ROR2: variants seen among roughly 807,000 people sequenced by gnomAD.
The protein encoded by ROR2 is ROR family WNT receptor 2, also known as tyrosine-protein kinase transmembrane receptor ROR2.
A neutral mutation model predicts 74.9 loss-of-function variants in ROR2; 33 were observed. The observed-to-expected ratio is 0.44, with a 90% confidence interval of 0.33 to 0.59. The LOEUF (loss-of-function observed/expected upper bound fraction) is 0.59, where lower values mean the gene tolerates loss of function less well. Ranked by LOEUF, ROR2 falls within the 20% of genes least tolerant of loss-of-function variation. ROR2 has a pLI of 0.02. For synonymous variants in ROR2, 586 were observed against 558.7 expected (o/e 1.05, Z -0.69); for missense variants, 1,216 against 1,313.8 (o/e 0.93, Z 1.15).
chr9:91,895,754 A>G (rs1830521711), intron 1 of ROR2, among the ~76,000 whole-genome samples: 1 of 152,186 alleles, frequency 6.6e-6, no homozygotes, highest in South Asian at 2.1e-4. Flanking sequence ...GACACGGGAG[A>G]ATTCGCTTGA....
intron 4 of ROR2, among the ~76,000 whole-genome samples, chr9:91,741,252 A>G (rs1193821157): frequency 1.3e-5 from 2 of 151,596 alleles, no homozygotes; most frequent in Non-Finnish European, 2.9e-5. Flanking sequence ...GTGAGCAGAG[A>G]TTGTGCCACT....
At chr9:91,895,229 C>T (rs1390874181) in intron 1 of ROR2, among the ~76,000 whole-genome samples, 1 of 152,092 alleles carries the variant, frequency 6.6e-6, no homozygotes, top group Non-Finnish European at 1.5e-5. Flanking sequence ...ACTATGGAGT[C>T]ATGTGATTGC....
intron 1 of ROR2, among the ~76,000 whole-genome samples, chr9:91,787,638 C>T (rs551761963): frequency 9.9e-5 from 15 of 152,124 alleles, no homozygotes; most frequent in East Asian, 1.9e-4. Flanking sequence ...CTAACAGTAA[C>T]GAGGCAAACA....
At chr9:91,876,617 G>A (rs538982676) in intron 1 of ROR2, among the ~76,000 whole-genome samples, 1 of 152,038 alleles carries the variant, frequency 6.6e-6, no homozygotes, top group Non-Finnish European at 1.5e-5. Context: ...TCACTCCAGA[G>A]GAAACAAAGA....
At chr9:91,762,101 AC>A (rs928842332) in intron 2 of ROR2, among the ~76,000 whole-genome samples, 35 of 151,938 alleles carry the variant, frequency 2.3e-4, no homozygotes, top group Non-Finnish European at 3.8e-4. Flanking sequence ...AACATTAGGG[AC>A]CCCCTCTTTC....
intron 1 of ROR2, among the ~76,000 whole-genome samples, chr9:91,785,340 T>C (rs764030409): frequency 7.9e-5 from 12 of 152,206 alleles, no homozygotes; most frequent in Non-Finnish European, 1.6e-4. Context: ...AGGCCTCCCC[T>C]GGACAACCTG....
chr9:91,862,297 T>A (rs1356081339), intron 1 of ROR2, among the ~76,000 whole-genome samples: 1 of 151,554 alleles, frequency 6.6e-6, no homozygotes, highest in Non-Finnish European at 1.5e-5. Flanking sequence ...GCCACTGCAC[T>A]CCAGCCTGGG....
At chr9:91,771,973 G>A (rs969756541) in intron 2 of ROR2, among the ~76,000 whole-genome samples, 1 of 152,220 alleles carries the variant, frequency 6.6e-6, no homozygotes, top group South Asian at 2.1e-4. Context: ...ATTCAGCTAT[G>A]ATTATACATG....
At chr9:91,871,756 G>A (rs939197159) in intron 1 of ROR2, among the ~76,000 whole-genome samples, 7 of 152,166 alleles carry the variant, frequency 4.6e-5, no homozygotes, top group African/African-American at 1.7e-4. Context: ...CCTCTTGAGA[G>A]AGTCCTTTTT....
chr9:91,882,255 C>T (rs376187283), intron 1 of ROR2, among the ~76,000 whole-genome samples: 5 of 151,772 alleles, frequency 3.3e-5, no homozygotes, highest in Admixed American at 6.6e-5. Context: ...ACTAAAAATA[C>T]AAAAAATTAC....
chr9:91,746,223 C>CT (rs1825410609), intron 4 of ROR2, among the ~76,000 whole-genome samples: 1 of 151,698 alleles, frequency 6.6e-6, no homozygotes, highest in South Asian at 2.1e-4. Flanking sequence ...ATTACAGGCA[C>CT]GCACCACCAC....
At chr9:91,938,236 A>C (rs961347841) in intron 1 of ROR2, among the ~76,000 whole-genome samples, 1 of 152,116 alleles carries the variant, frequency 6.6e-6, no homozygotes, top group Non-Finnish European at 1.5e-5. Context: ...AAGTGGAGGG[A>C]TCTCTTGAGT....
intron 4 of ROR2, among the ~76,000 whole-genome samples, chr9:91,738,502 C>T (rs578137019): frequency 1.5e-3 from 226 of 152,296 alleles, no homozygotes; most frequent in African/African-American, 5.3e-3. Context: ...ACATCAGGGA[C>T]ATTATGGCAA....
intron 1 of ROR2, among the ~76,000 whole-genome samples, chr9:91,893,983 G>GT (rs912570514): frequency 2.1e-4 from 32 of 152,072 alleles, no homozygotes; most frequent in African/African-American, 6.0e-4. Flanking sequence ...ATCAGAGGGT[G>GT]TTTTTTTTAG....
At chr9:91,884,786 T>C (rs763071792) in intron 1 of ROR2, among the ~76,000 whole-genome samples, 16 of 152,208 alleles carry the variant, frequency 1.1e-4, no homozygotes, top group Non-Finnish European at 1.9e-4. Context: ...CTTTTTTTTT[T>C]CTAAATGAAT....
chr9:91,789,367 GATAA>G (rs553337078), intron 1 of ROR2, among the ~76,000 whole-genome samples: 171 of 152,288 alleles, frequency 1.1e-3, no homozygotes, highest in Non-Finnish European at 1.7e-3. Context: ...CACATGAAGA[GATAA>G]ATAAAAGAGT....
intron 4 of ROR2, among the ~76,000 whole-genome samples, chr9:91,742,045 C>T (rs1192357329): frequency 6.6e-6 from 1 of 152,150 alleles, no homozygotes; most frequent in African/African-American, 2.4e-5. Context: ...AAAAGACATA[C>T]CTGAGACTGT....
Position 91,731,032 on chromosome 9 carries a change from T to C in ROR2, c.1061A>G (p.Asp354Gly). ...GTGCCCCCCTCCAAGCTCAGGGAAG[T>C]CTGTGCTGGACAGGTGGTGGCTGTG... ...HPHSHHLSST[D>G]FPELGGGHAY... is the part of the protein sequence containing the mutation. Residue 354 changes from aspartate to glycine, a missense_variant, in exon 7 of 9, where the codon GAC becomes GGC. Asp to Gly is a moderately conservative substitution (Grantham distance 94, BLOSUM62 -1). Coordinates refer to ENST00000375708, the MANE Select transcript of ROR2 (RefSeq NM_004560.4). 6.2e-7 allele frequency: 1 copy of C among 1,614,096 alleles called. No homozygotes were observed. The highest frequency in any genetic ancestry group is 2.2e-5 in the East Asian group (1 of 44,852).
intron 1 of ROR2, among the ~76,000 whole-genome samples, chr9:91,872,674 C>T (rs777442416): frequency 5.3e-5 from 8 of 152,124 alleles, no homozygotes; most frequent in South Asian, 2.1e-4. Flanking sequence ...ACAGGGCGTG[C>T]GTTTTATTAT....
Sources: allele counts gnomAD v4.1 joint callset (sites outside exome capture counted in the v4.1 genomes callset), GRCh38; gene constraint gnomAD v4.1.1; transcripts MANE v1.5; gene names NCBI Gene and HGNC (gene_info 2026-07-23, HGNC 2026-07-21).